The following RIMS1 variants were observed in gnomAD, a reference collection of about 807,000 sequenced individuals.
RIMS1 encodes regulating synaptic membrane exocytosis 1.
In RIMS1, 83 loss-of-function variants were observed where a neutral mutation model predicts 214.1. The observed-to-expected ratio is 0.39, with a 90% CI of 0.32 to 0.47. The LOEUF (loss-of-function observed/expected upper bound fraction) is 0.47, where lower values mean the gene tolerates loss of function less well. Among genes scored for constraint, RIMS1 ranks in the 20% least tolerant of loss-of-function variants. The pLI, the probability that RIMS1 is intolerant of heterozygous loss-of-function variation, is 0.99. For missense variants in RIMS1, 2,050 were observed against 2,161.8 expected, an observed-to-expected ratio of 0.95 and a Z score of 1.03; for synonymous variants, 793 against 786.8, an observed-to-expected ratio of 1.01 and a Z score of -0.13.
chr6:72,327,788 A>G (rs550980857), intron 28 of RIMS1, among the ~76,000 whole-genome samples: 1 of 151,930 alleles, frequency 6.6e-6, no homozygotes, highest in South Asian at 2.1e-4. Context: ...TGCTATCTTC[A>G]AGAATTCACT....
intron 2 of RIMS1, among the ~76,000 whole-genome samples, chr6:71,970,494 C>T (rs1421021016): frequency 6.6e-6 from 1 of 152,076 alleles, no homozygotes; most frequent in Non-Finnish European, 1.5e-5. Context: ...TCACCTATTC[C>T]AAAGTTCATT....
At chr6:72,339,152 C>G (rs2096952941) in intron 29 of RIMS1, among the ~76,000 whole-genome samples, 2 of 151,768 alleles carry the variant, frequency 1.3e-5, no homozygotes, top group Admixed American at 6.6e-5. Context: ...GGACGAGAAT[C>G]ATTCCAAGAG....
intron 2 of RIMS1, among the ~76,000 whole-genome samples, chr6:72,058,974 C>G (rs1278501984): frequency 6.6e-6 from 1 of 152,120 alleles, no homozygotes; most frequent in Non-Finnish European, 1.5e-5. Flanking sequence ...GTTTAAAGTA[C>G]TACAACAGAG....
intron 1 of RIMS1, among the ~76,000 whole-genome samples, chr6:71,907,194 A>G (rs1731463586): frequency 6.6e-6 from 1 of 152,150 alleles, no homozygotes; most frequent in South Asian, 2.1e-4. Context: ...TTAATTCCTC[A>G]CATTTGTTGT....
At position 71,987,405 on chromosome 6, in the gene RIMS1, G is replaced by A. The variant is rs143165015; in HGVS notation, c.245+18342G>A. On this transcript the variant is annotated intron_variant, in intron 2 of 33. Coordinates refer to ENST00000521978, the MANE Select transcript of RIMS1 (RefSeq NM_014989.7). ...ATGGTGTCCTCACAGGCGGAGAGCA[G>A]AGATAGAAGAAGCAAACTCTCTTGT... Among the ~76,000 whole-genome samples the A allele has an allele frequency of 8.7e-4, 133 of 152,318 alleles. 1 individual carries two copies. Among genetic ancestry groups the A allele is most frequent in the African/African-American group, 3.1e-3 (129 of 41,572 alleles).
chr6:72,210,520 A>G (rs915702045), intron 6 of RIMS1, among the ~76,000 whole-genome samples: 2 of 152,310 alleles, frequency 1.3e-5, no homozygotes, highest in African/African-American at 2.4e-5. Flanking sequence ...GAGCTATACT[A>G]TATTCTCATG....
intron 28 of RIMS1, among the ~76,000 whole-genome samples, chr6:72,327,028 A>G (rs1392451726): frequency 6.6e-6 from 1 of 151,698 alleles, no homozygotes. Context: ...AAAGGCAAAG[A>G]AACATATTCT....
At chr6:72,373,827 T>C (rs2098293129) in intron 29 of RIMS1, among the ~76,000 whole-genome samples, 1 of 152,206 alleles carries the variant, frequency 6.6e-6, no homozygotes, top group Non-Finnish European at 1.5e-5. Flanking sequence ...ATACTTTTTA[T>C]TGTATTGCAT....
intron 2 of RIMS1, among the ~76,000 whole-genome samples, chr6:71,983,193 T>TCTTAC (rs1798932829): frequency 1.2e-5 from 1 of 85,134 alleles, no homozygotes. Flanking sequence ...TTATGTTCTA[T>TCTTAC]TTGTGTGTTT....
At chr6:72,245,609 A>C (rs1287880309) in intron 10 of RIMS1, among the ~76,000 whole-genome samples, 1 of 152,108 alleles carries the variant, frequency 6.6e-6, no homozygotes, top group Non-Finnish European at 1.5e-5. Context: ...TTTGCTCTTA[A>C]ATATGTAAAA....
Position 72,207,229 on chromosome 6 carries a change from A to G in RIMS1, c.1678+24080A>G, listed in dbSNP as rs552121970. ...ATTTGTTTTGTTTAATTCCTAATAG[A>G]TTTTCAAAATACTTCTCACATAGAG... is the stretch of plus-strand genomic sequence containing the variant. On this transcript the variant is annotated intron_variant, in intron 6 of 33. Transcript: ENST00000521978. Among the ~76,000 whole-genome samples, 3 of 152,252 alleles carry G rather than the reference A, an allele frequency of 2.0e-5. No individual in the cohort carries two copies. The South Asian group carries it at 6.2e-4, about 32-fold the overall frequency.
chr6:72,253,799 A>G (rs2074535485), intron 16 of RIMS1, among the ~76,000 whole-genome samples: 1 of 152,152 alleles, frequency 6.6e-6, no homozygotes, highest in Non-Finnish European at 1.5e-5. Context: ...CTGGGAGAAA[A>G]TTATGGAGAG....
At chr6:72,320,289 G>A (rs1414306475) in intron 28 of RIMS1, among the ~76,000 whole-genome samples, 2 of 152,076 alleles carry the variant, frequency 1.3e-5, no homozygotes, top group African/African-American at 2.4e-5. Context: ...AAAACTAAAC[G>A]GGGAGGAGAA....
intron 1 of RIMS1, among the ~76,000 whole-genome samples, chr6:71,965,051 A>G (rs533602010): frequency 6.7e-4 from 102 of 152,304 alleles, no homozygotes; most frequent in East Asian, 3.1e-3. Context: ...CTTAGGACCA[A>G]TGTGGACCCT....
intron 33 of RIMS1, among the ~76,000 whole-genome samples, chr6:72,399,299 T>G (rs2098813457): frequency 6.8e-6 from 1 of 147,798 alleles, no homozygotes; most frequent in African/African-American, 2.7e-5. Flanking sequence ...GAGAACAATT[T>G]TATTTTATCT....
At chr6:72,032,370 TG>T (rs1818373155) in intron 2 of RIMS1, among the ~76,000 whole-genome samples, 1 of 152,218 alleles carries the variant, frequency 6.6e-6, no homozygotes, top group South Asian at 2.1e-4. Flanking sequence ...TTTAGCTTCC[TG>T]GAGCTCTCTC....
At chr6:72,108,926 T>C (rs1450242446) in intron 4 of RIMS1, among the ~76,000 whole-genome samples, 2 of 144,526 alleles carry the variant, frequency 1.4e-5, no homozygotes, top group African/African-American at 5.1e-5. Flanking sequence ...GTTCAGTTCC[T>C]ACCTATGAGT....
intron 1 of RIMS1, among the ~76,000 whole-genome samples, chr6:71,909,265 G>A (rs1776216923): frequency 6.6e-6 from 1 of 152,086 alleles, no homozygotes; most frequent in African/African-American, 2.4e-5. Context: ...CCAAAGTGCC[G>A]GGAAGTGCTC....
intron 22 of RIMS1, 39 bp downstream of exon 22, chr6:72,266,088 A>C: frequency 7.1e-7 from 1 of 1,410,692 alleles, no homozygotes; most frequent in Non-Finnish European, 9.8e-7. Flanking sequence ...TATCATTTGT[A>C]CTAGTGATTT....
Sources: allele counts gnomAD v4.1 joint callset (sites outside exome capture counted in the v4.1 genomes callset), GRCh38; gene constraint gnomAD v4.1.1; transcripts MANE v1.5; gene names NCBI Gene and HGNC (gene_info 2026-07-23, HGNC 2026-07-21).